Variants in ZBTB43 observed in about 807,000 individuals in gnomAD.
The protein encoded by ZBTB43 is zinc finger and BTB domain-containing protein 43.
ZBTB43 carries 6 observed loss-of-function variants against 31.1 expected under a neutral mutation model. That is an observed-to-expected ratio of 0.19 (90% CI 0.11 to 0.38). ZBTB43 has a LOEUF of 0.38. ZBTB43 is among the 10% of genes least tolerant of loss of function. ZBTB43 has a pLI of 1.00. For synonymous variants in ZBTB43, 212 were observed against 221.7 expected (o/e 0.96, Z 0.39); for missense variants, 379 against 602.1 (o/e 0.63, Z 3.88).
intron 2 of ZBTB43, among the ~76,000 whole-genome samples, chr9:126,810,100 G>A (rs2032210903): frequency 6.6e-6 from 1 of 152,252 alleles, no homozygotes; most frequent in East Asian, 1.9e-4. Context: ...CTCCCAAAGT[G>A]CTGGGATTAC....
chr9:126,826,768 G>T (rs2032651437), intron 2 of ZBTB43, among the ~76,000 whole-genome samples: 1 of 152,014 alleles, frequency 6.6e-6, no homozygotes, highest in Non-Finnish European at 1.5e-5. Flanking sequence ...CCGACCTCCT[G>T]GCCCCTTTTT....
At chr9:126,831,287 T>A (rs1173162220) in intron 2 of ZBTB43, 1 of 152,374 alleles carries the variant, frequency 6.6e-6, no homozygotes, top group Non-Finnish European at 1.5e-5. Context: ...CCCACCATTC[T>A]GTTCTCCCAC....
upstream of ZBTB43, among the ~76,000 whole-genome samples, chr9:126,804,136 G>A (rs1306347450): frequency 6.6e-6 from 1 of 152,140 alleles, no homozygotes. Flanking sequence ...GAGTCCCACC[G>A]CTAAAGACCT....
chr9:126,814,556 G>A (rs1407087701), intron 2 of ZBTB43, among the ~76,000 whole-genome samples: 4 of 152,006 alleles, frequency 2.6e-5, no homozygotes, highest in African/African-American at 9.7e-5. Context: ...CACTTTGGGA[G>A]GCCGAGGTGG....
chr9:126,816,903 A>G (rs1201227827), intron 2 of ZBTB43, among the ~76,000 whole-genome samples: 1 of 152,028 alleles, frequency 6.6e-6, no homozygotes, highest in East Asian at 1.9e-4. Context: ...CCTTCTGCCA[A>G]GGTAATGTGC....
At chr9:126,830,583 G>C (rs564597006) in intron 2 of ZBTB43, among the ~76,000 whole-genome samples, 29 of 152,344 alleles carry the variant, frequency 1.9e-4, no homozygotes, top group African/African-American at 6.7e-4. Context: ...AGGAGTTTGA[G>C]ACTGCAGTGA....
At chr9:126,814,282 T>A in intron 2 of ZBTB43, among the ~76,000 whole-genome samples, 1 of 150,940 alleles carries the variant, frequency 6.6e-6, no homozygotes, top group Non-Finnish European at 1.5e-5. Flanking sequence ...ACAGATGAAA[T>A]TTACATCTGT....
At chr9:126,828,135 C>T (rs1230436583) in intron 2 of ZBTB43, among the ~76,000 whole-genome samples, 2 of 152,064 alleles carry the variant, frequency 1.3e-5, no homozygotes, top group African/African-American at 4.8e-5. Flanking sequence ...TGGGTCCCAA[C>T]CTTACTCTTC....
rs757490602 is a variant in ZBTB43 at position 126,833,330 on chromosome 9, A to G, written c.821A>G (p.Asn274Ser). The G allele has an allele frequency of 1.2e-6, 2 of 1,613,066 alleles. No individual in the cohort carries two copies. Among genetic ancestry groups the G allele is most frequent in the East Asian group, 2.2e-5 (1 of 44,854 alleles). The change falls in exon 3 of 3, where the codon AAC becomes AGC. Residue 274 changes from asparagine (N) to serine (S), a missense_variant. Asn to Ser is a conservative substitution (Grantham distance 46). This residue lies in a region of ZBTB43 where 253 missense variants were observed against 322.3 expected (regional missense o/e 0.79). Coordinates refer to ENST00000373464, the MANE Select transcript of ZBTB43 (RefSeq NM_014007.4). This position sits in a 1 kb window ranked among gnomAD's most constrained non-coding sequence, Gnocchi z 7.9. ...YDEHQVTESI[N>S]TVQTEHTVQP... ...GAGCACCAGGTCACAGAGTCCATCA[A>G]CACCGTGCAGACAGAGCACACGGTG...
intron 1 of ZBTB43, among the ~76,000 whole-genome samples, chr9:126,806,864 T>G (rs1023891624): frequency 3.6e-4 from 55 of 152,282 alleles, no homozygotes; most frequent in Non-Finnish European, 7.1e-4. Flanking sequence ...GGCTTTCTAC[T>G]TACTTTCTGC....
Position 126,834,254 on chromosome 9 carries a change from G to A in ZBTB43, c.*341G>A, listed in dbSNP as rs1003563519. On this transcript the variant is annotated 3_prime_UTR_variant, in exon 3 of 3. Coordinates refer to ENST00000373464, the MANE Select transcript of ZBTB43 (RefSeq NM_014007.4). ...ACCAGTTCCATTTTGGGTGGCAGCAGCTTTGGATCACTCATTATTACAAGG... is the reference window on the plus strand; with the variant it reads ...ACCAGTTCCATTTTGGGTGGCAGCAACTTTGGATCACTCATTATTACAAGG... 4.5e-6 allele frequency: 1 copy of A among 220,424 alleles called. No homozygotes were observed. Among genetic ancestry groups the A allele is most frequent in the Non-Finnish European group, 9.7e-6 (1 of 102,660 alleles). The allele number at this position is 220,424 out of a possible 1,614,324, so 13.7% of individuals were successfully genotyped here.
chr9:126,813,660 T>G (rs964406105), intron 2 of ZBTB43, among the ~76,000 whole-genome samples: 2 of 152,208 alleles, frequency 1.3e-5, no homozygotes, highest in African/African-American at 2.4e-5. Context: ...ATCATACTTA[T>G]GATGTACCAA....
intron 2 of ZBTB43, among the ~76,000 whole-genome samples, chr9:126,818,893 T>C (rs1281475989): frequency 2.0e-5 from 3 of 152,196 alleles, no homozygotes; most frequent in African/African-American, 7.2e-5. Flanking sequence ...TAGGAAGTGG[T>C]CCCTCCCCTT....
intron 2 of ZBTB43, among the ~76,000 whole-genome samples, chr9:126,830,936 A>G (rs1278799522): frequency 6.6e-6 from 1 of 152,192 alleles, no homozygotes; most frequent in Non-Finnish European, 1.5e-5. Context: ...GACTCTGTTC[A>G]GTAGCAGGGA....
chr9:126,832,260 A>G (rs2032780614), intron 2 of ZBTB43: 1 of 515,444 alleles, frequency 1.9e-6, no homozygotes, highest in Non-Finnish European at 3.4e-6. Context: ...TCTCTTACCC[A>G]CAGACACAGA....
chr9:126,817,499 G>T (rs111926263), intron 2 of ZBTB43, among the ~76,000 whole-genome samples: 5 of 139,236 alleles, frequency 3.6e-5, no homozygotes, highest in Non-Finnish European at 7.8e-5. Flanking sequence ...TTTTTGAGAC[G>T]GAGTCTCGCT....
chr9:126,817,048 G>A (rs1052868140), intron 2 of ZBTB43, among the ~76,000 whole-genome samples: 1 of 150,358 alleles, frequency 6.7e-6, no homozygotes, highest in African/African-American at 2.5e-5. Flanking sequence ...GGAATAGGAC[G>A]TGGAGTTTCA....
chr9:126,817,085 C>G (rs1472953558), intron 2 of ZBTB43, among the ~76,000 whole-genome samples: 1 of 148,594 alleles, frequency 6.7e-6, no homozygotes, highest in East Asian at 1.9e-4. Context: ...CAACTTGGCC[C>G]CATTTCCACT....
intron 2 of ZBTB43, among the ~76,000 whole-genome samples, chr9:126,821,823 A>G (rs2032517315): frequency 6.6e-6 from 1 of 152,140 alleles, no homozygotes; most frequent in Admixed American, 6.5e-5. Flanking sequence ...ATGGCTCTGA[A>G]TGTGACCCAA....
Sources: gnomAD v4.1 joint callset for allele counts (sites outside exome capture counted in the v4.1 genomes callset) on GRCh38, gnomAD v4.1.1 for gene constraint, gnomAD v4.1.1 regional missense constraint, Gnocchi (gnomAD v3.1) non-coding constraint, MANE v1.5 for transcripts, NCBI Gene and HGNC (gene_info 2026-07-23, HGNC 2026-07-21) for gene names.